AQP7: variants seen among roughly 807,000 people sequenced by gnomAD.
AQP7 encodes aquaporin 7.
AQP7 carries 22 observed loss-of-function variants against 26.1 expected under a neutral mutation model. That is an observed-to-expected ratio of 0.84 (90% confidence interval 0.60 to 1.20). The LOEUF is 1.20. Ranked by LOEUF, AQP7 falls within the 50% of genes most tolerant of loss-of-function variation. AQP7 has a pLI of 0.00. For missense variants in AQP7, 412 were observed against 457.5 expected (o/e 0.90, Z 0.91); for synonymous variants, 167 against 181.7 (o/e 0.92, Z 0.65).
rs146084731 is a variant in AQP7, at chr9:33,388,669, A to G, written c.145-1577T>C. On this transcript the variant is annotated intron_variant, in intron 3 of 7. Transcript: ENST00000297988. Reference sequence around the variant, plus strand: ...TTAACACCAATCTTATGACTTAAGCACTATTATTCTCCCCCACTTGACAGA... The same window carrying G: ...TTAACACCAATCTTATGACTTAAGCGCTATTATTCTCCCCCACTTGACAGA... Among the ~76,000 whole-genome samples the G allele has an allele frequency of 8.7e-3, 1,318 of 152,254 alleles. 4 individuals carry two copies. The highest frequency in any genetic ancestry group is 0.011 in the Non-Finnish European group (750 of 68,028).
At chr9:33,391,006 G>T in intron 3 of AQP7, among the ~76,000 whole-genome samples, 1 of 152,176 alleles carries the variant, frequency 6.6e-6, no homozygotes, top group Admixed American at 6.5e-5. Context: ...AGCTACTCAG[G>T]AGGCTGAGGC....
At chr9:33,400,732 G>A (rs1406474382) in intron 2 of AQP7, among the ~76,000 whole-genome samples, 1 of 152,084 alleles carries the variant, frequency 6.6e-6, no homozygotes, top group Non-Finnish European at 1.5e-5. Context: ...TTGAACCCGG[G>A]AGGAGGAGGT....
intron 2 of AQP7, among the ~76,000 whole-genome samples, chr9:33,399,832 G>C (rs1305189624): frequency 6.6e-6 from 1 of 152,052 alleles, no homozygotes; most frequent in East Asian, 1.9e-4. Flanking sequence ...ACATGGCCAT[G>C]GGGGAGTAGG....
intron 3 of AQP7, among the ~76,000 whole-genome samples, chr9:33,390,956 A>C (rs2118815797): frequency 6.6e-6 from 1 of 152,228 alleles, no homozygotes; most frequent in African/African-American, 2.4e-5. Flanking sequence ...CTAAAGATAC[A>C]AAAAATTAGC....
At chr9:33,386,846 C>G in intron 4 of AQP7, 123 bp downstream of exon 4, 1 of 1,436,388 alleles carries the variant, frequency 7.0e-7, no homozygotes, top group Non-Finnish European at 9.5e-7. Flanking sequence ...GAGACTTCCT[C>G]CCGCCCGGTG....
rs1411850927 is a variant in AQP7 at position 33,383,667 on chromosome 9, A to C, written c.*1338T>G. On this transcript the variant is annotated 3_prime_UTR_variant, in exon 8 of 8. Coordinates refer to ENST00000297988, the MANE Select transcript of AQP7 (RefSeq NM_001170.3). ...CTCCACCATTTCCAGCATCCTACAC[A>C]CTGCGGCTCAGGTGTGCTTTCTAAA... 2 of 152,462 alleles carry C rather than the reference A, an allele frequency of 1.3e-5. No individual in the cohort carries two copies. The highest frequency in any genetic ancestry group is 2.9e-5 in the Non-Finnish European group (2 of 68,250). The allele number at this position is 152,462 out of a possible 1,614,324, so 9.4% of individuals were successfully genotyped here.
intron 3 of AQP7, 86 bp from the exon 4 acceptor site, chr9:33,387,178 C>T (rs1202945378): frequency 1.4e-6 from 2 of 1,432,524 alleles, no homozygotes; most frequent in Non-Finnish European, 1.9e-6. Context: ...AGCTCCTCAC[C>T]CCCATGCCCT....
chr9:33,398,947 G>A lies in AQP7; in HGVS notation c.26+2290C>T, dbSNP rs1587151152. On this transcript the variant is annotated intron_variant, in intron 2 of 7. Coordinates refer to ENST00000297988, the MANE Select transcript of AQP7 (RefSeq NM_001170.3). ...CTAAATAGCTAACAGCTCACTAAAA[G>A]CCTGTTTCTTTTCTTTTTCTTTTTC... Among the ~76,000 whole-genome samples the A allele has an allele frequency of 2.0e-5, 3 of 150,508 alleles. No individual in the cohort carries two copies. The East Asian group carries it at 5.9e-4, about 30-fold the overall frequency.
At chr9:33,394,764 C>G (rs1202979500) in intron 3 of AQP7, among the ~76,000 whole-genome samples, 7 of 152,108 alleles carry the variant, frequency 4.6e-5, no homozygotes, top group Non-Finnish European at 1.5e-5. Flanking sequence ...TCCCAAAGTG[C>G]TGGAATTACA....
At chr9:33,401,344 T>C in intron 1 of AQP7, 57 bp from the exon 2 acceptor site, 1 of 1,428,098 alleles carries the variant, frequency 7.0e-7, no homozygotes, top group Admixed American at 2.0e-5. Context: ...GGCCCCACAC[T>C]TCCATCAGAC....
intron 2 of AQP7, among the ~76,000 whole-genome samples, chr9:33,399,486 T>TG (rs1037038595): frequency 1.5e-3 from 224 of 145,366 alleles, no homozygotes; most frequent in Middle Eastern, 3.5e-3. Context: ...TAATACCAGC[T>TG]GGGGGGGGAG....
In AQP7 at chr9:33,385,146, G is replaced by A. The variant is rs1227059297; in HGVS notation, c.888C>T (p.His296=). The A allele has an allele frequency of 5.6e-6, 9 of 1,611,952 alleles. No individual in the cohort carries two copies. Among genetic ancestry groups the A allele is most frequent in the Non-Finnish European group, 7.6e-6 (9 of 1,179,834 alleles). Residue 296 remains histidine, a synonymous_variant, in exon 8 of 8, where the codon CAC becomes CAT. Coordinates refer to ENST00000297988, the MANE Select transcript of AQP7 (RefSeq NM_001170.3). ...KLEDSVAYED[H]GITVLPKMGS... is the part of the protein sequence containing the mutation. ...CCATCTTGGGCAATACGGTTATCCC[G>A]TGGTCTTCATACGCCACAGAATCCT...
intron 3 of AQP7, among the ~76,000 whole-genome samples, chr9:33,392,586 C>T (rs1161161317): frequency 6.6e-6 from 1 of 152,164 alleles, no homozygotes; most frequent in African/African-American, 2.4e-5. Flanking sequence ...TGGGCGGTGC[C>T]TATTTCCCTA....
At chr9:33,400,846 A>T (rs1013759404) in intron 2 of AQP7, among the ~76,000 whole-genome samples, 1 of 149,402 alleles carries the variant, frequency 6.7e-6, no homozygotes, top group African/African-American at 2.5e-5. Context: ...GTGTGGCTGG[A>T]GGAGGGAGAG....
chr9:33,394,289 C>A (rs1354863393), intron 3 of AQP7: 1 of 152,342 alleles, frequency 6.6e-6, no homozygotes, highest in Non-Finnish European at 1.5e-5. Flanking sequence ...TGTCCCAGAT[C>A]AAAAACAGCC....
At chr9:33,394,502 C>CT (rs1326776535) in intron 3 of AQP7, among the ~76,000 whole-genome samples, 41 of 101,494 alleles carry the variant, frequency 4.0e-4, no homozygotes, top group African/African-American at 1.3e-3. Flanking sequence ...TTTTTTTTTT[C>CT]TTTTTTTTTT....
intron 7 of AQP7, 60 bp downstream of exon 7, chr9:33,385,589 C>T (rs1245374624): frequency 6.3e-7 from 1 of 1,592,406 alleles, no homozygotes; most frequent in Non-Finnish European, 8.6e-7. Context: ...CCCCCCACCC[C>T]TCAACACACA....
At chr9:33,395,722 C>T (rs200035395) in intron 2 of AQP7, among the ~76,000 whole-genome samples, 3 of 152,186 alleles carry the variant, frequency 2.0e-5, no homozygotes, top group African/African-American at 4.8e-5. Context: ...CTGAAACAAG[C>T]GCCAGGTTCT....
intron 6 of AQP7, 77 bp downstream of exon 6, chr9:33,386,000 A>G (rs1824739041): frequency 1.9e-6 from 3 of 1,593,690 alleles, no homozygotes; most frequent in East Asian, 4.5e-5. Flanking sequence ...TGTCCTGTCT[A>G]TCCGGAGGGA....
Sources: allele counts gnomAD v4.1 joint callset (sites outside exome capture counted in the v4.1 genomes callset), GRCh38; gene constraint gnomAD v4.1.1; transcripts MANE v1.5; gene names NCBI Gene and HGNC (gene_info 2026-07-23, HGNC 2026-07-21).